The following POU2AF2 variants were observed in gnomAD, a reference collection of about 807,000 sequenced individuals.
POU2AF2 encodes POU domain class 2-associating factor 2.
the POU2AF2 span, among the ~76,000 whole-genome samples, chr11:111,255,500 T>C: frequency 6.6e-6 from 1 of 152,188 alleles, no homozygotes; most frequent in Admixed American, 6.5e-5. Flanking sequence ...AACAAACAAC[T>C]TTCTTCTTAG....
At chr11:111,280,287 C>T in the POU2AF2 span, among the ~76,000 whole-genome samples, 1 of 151,930 alleles carries the variant, frequency 6.6e-6, no homozygotes, top group Non-Finnish European at 1.5e-5. Context: ...TGGATTCAGA[C>T]AGTAAACATT....
chr11:111,285,891 C>T, the POU2AF2 span: 3 of 1,613,406 alleles, frequency 1.9e-6, no homozygotes, highest in Non-Finnish European at 2.5e-6. Flanking sequence ...CCTCCTTACC[C>T]CTTCACCCCT....
At chr11:111,263,439 T>C in the POU2AF2 span, among the ~76,000 whole-genome samples, 1 of 146,376 alleles carries the variant, frequency 6.8e-6, no homozygotes, top group Non-Finnish European at 1.5e-5. Context: ...TTTTTTTTTT[T>C]TTTTTTTTTT....
the POU2AF2 span, among the ~76,000 whole-genome samples, chr11:111,277,865 C>T: frequency 6.6e-6 from 1 of 152,182 alleles, no homozygotes; most frequent in Non-Finnish European, 1.5e-5. Context: ...CAAGGAAAGA[C>T]CCAGCCACAC....
At chr11:111,281,408 G>T in the POU2AF2 span, 2 of 1,612,982 alleles carry the variant, frequency 1.2e-6, no homozygotes, top group Admixed American at 1.7e-5. Flanking sequence ...GGCAGCGTCA[G>T]TTCCTCTCAG....
At chr11:111,271,299 G>A in the POU2AF2 span, among the ~76,000 whole-genome samples, 1 of 152,014 alleles carries the variant, frequency 6.6e-6, no homozygotes, top group Non-Finnish European at 1.5e-5. Flanking sequence ...CTGCAGCCTG[G>A]GTGACAAGAG....
chr11:111,273,349 G>C, the POU2AF2 span, among the ~76,000 whole-genome samples: 2 of 152,062 alleles, frequency 1.3e-5, no homozygotes, highest in East Asian at 3.9e-4. Flanking sequence ...ATGACCTATG[G>C]TGGATCTAAA....
chr11:111,264,399 G>A, the POU2AF2 span, among the ~76,000 whole-genome samples: 2 of 151,842 alleles, frequency 1.3e-5, no homozygotes, highest in African/African-American at 2.4e-5. Flanking sequence ...AGGAGGCTGA[G>A]GCACAAGAAT....
At chr11:111,265,613 C>T in the POU2AF2 span, among the ~76,000 whole-genome samples, 3 of 152,062 alleles carry the variant, frequency 2.0e-5, no homozygotes, top group Non-Finnish European at 2.9e-5. Context: ...ATATGGCATG[C>T]TGTAAATGCT....
At chr11:111,274,474 A>C in the POU2AF2 span, among the ~76,000 whole-genome samples, 1 of 152,032 alleles carries the variant, frequency 6.6e-6, no homozygotes, top group Non-Finnish European at 1.5e-5. Flanking sequence ...GAATTTTATT[A>C]TATGTAAATT....
At chr11:111,255,591 C>T in the POU2AF2 span, among the ~76,000 whole-genome samples, 2 of 152,198 alleles carry the variant, frequency 1.3e-5, no homozygotes, top group Non-Finnish European at 2.9e-5. Flanking sequence ...TATGCTGTAA[C>T]CTGAATCATA....
the POU2AF2 span, among the ~76,000 whole-genome samples, chr11:111,281,048 G>A: frequency 0.012 from 1,786 of 152,244 alleles, 17 homozygotes; most frequent in Non-Finnish European, 0.02. Flanking sequence ...CATATCCCTC[G>A]TGGGTAAGGG....
At chr11:111,246,621 TAGAA>T in the POU2AF2 span, among the ~76,000 whole-genome samples, 22 of 152,320 alleles carry the variant, frequency 1.4e-4, no homozygotes, top group Middle Eastern at 6.8e-3. Flanking sequence ...GGTAAGAAGA[TAGAA>T]AGAGCTCTAA....
chr11:111,277,613 G>T, the POU2AF2 span, among the ~76,000 whole-genome samples: 1 of 152,216 alleles, frequency 6.6e-6, no homozygotes, highest in Non-Finnish European at 1.5e-5. Flanking sequence ...GGCAAATAGG[G>T]TGCTGATGCT....
chr11:111,272,294 G>A, the POU2AF2 span, among the ~76,000 whole-genome samples: 1 of 151,698 alleles, frequency 6.6e-6, no homozygotes, highest in Non-Finnish European at 1.5e-5. Flanking sequence ...CTTCATCCCT[G>A]CCCCCACCCC....
the POU2AF2 span, among the ~76,000 whole-genome samples, chr11:111,277,781 C>A: frequency 1.3e-5 from 2 of 152,134 alleles, no homozygotes; most frequent in Non-Finnish European, 2.9e-5. Flanking sequence ...AGCTACCACC[C>A]CCTGGCACAT....
the POU2AF2 span, among the ~76,000 whole-genome samples, chr11:111,253,857 T>C: frequency 1.3e-5 from 2 of 152,172 alleles, no homozygotes; most frequent in Non-Finnish European, 2.9e-5. Flanking sequence ...TTGCCCGTGC[T>C]GTCTTCCTAC....
the POU2AF2 span, among the ~76,000 whole-genome samples, chr11:111,247,747 A>G: frequency 2.0e-5 from 3 of 152,094 alleles, no homozygotes; most frequent in South Asian, 6.3e-4. Flanking sequence ...AGATCGTGCC[A>G]CTGCACTCCA....
chr11:111,283,058 C>CTTTT, the POU2AF2 span, among the ~76,000 whole-genome samples: 24 of 118,422 alleles, frequency 2.0e-4, no homozygotes, highest in Non-Finnish European at 2.7e-4. Flanking sequence ...AAACTTTTTA[C>CTTTT]TTTTTTTTTT....
Sources: gnomAD v4.1 joint callset for allele counts (sites outside exome capture counted in the v4.1 genomes callset) on GRCh38, gnomAD v4.1.1 for gene constraint, MANE v1.5 for transcripts, NCBI Gene and HGNC (gene_info 2026-07-23, HGNC 2026-07-21) for gene names.